MFF: variants seen among roughly 807,000 people sequenced by gnomAD.
MFF encodes the protein mitochondrial fission factor.
Under a neutral mutation model 36.9 loss-of-function variants are expected in MFF, and 12 were observed. That is an observed-to-expected ratio of 0.33 (90% confidence interval 0.21 to 0.53). MFF has a LOEUF of 0.53. Among genes scored for constraint, MFF ranks in the 20% least tolerant of loss-of-function variants. The probability of loss-of-function intolerance (pLI) is 0.95; values close to 1 mark genes in which losing one functional copy is unlikely to be tolerated. For missense variants in MFF, 348 were observed against 366.6 expected (o/e 0.95, Z 0.42); for synonymous variants, 99 against 126.2 (o/e 0.78, Z 1.44).
intron 5 of MFF, among the ~76,000 whole-genome samples, chr2:227,341,647 A>G (rs1039937992): frequency 4.6e-5 from 7 of 152,116 alleles, no homozygotes; most frequent in South Asian, 2.1e-4. Context: ...TTCCAAATGT[A>G]TTACACAAAC....
intron 5 of MFF, among the ~76,000 whole-genome samples, chr2:227,342,419 A>G (rs2075446231): frequency 1.3e-5 from 2 of 152,192 alleles, no homozygotes; most frequent in Admixed American, 6.5e-5. Context: ...AACAATTGAT[A>G]TAATACCTCT....
Position 227,354,361 on chromosome 2 carries a change from G to A in MFF, c.660-1316G>A, listed in dbSNP as rs1211911746. ...TACTTTTTGTAGTGGGGACTTGCTG[G>A]GATAGGTATTAGAATAGATGATCCA... On this transcript the variant is annotated intron_variant, in intron 7 of 8. Coordinates refer to ENST00000304593, the MANE Select transcript of MFF (RefSeq NM_001277062.2). Among the ~76,000 whole-genome samples, 5 of 152,172 alleles carry A rather than the reference G, an allele frequency of 3.3e-5. No homozygotes were observed. The East Asian group carries it at 9.6e-4, about 29-fold the overall frequency.
At chr2:227,355,793 CA>C in intron 8 of MFF, 32 bp downstream of exon 8, 1 of 1,298,750 alleles carries the variant, frequency 7.7e-7, no homozygotes, top group Non-Finnish European at 1.1e-6. Flanking sequence ...ATATATTTCT[CA>C]GTTATATTCA....
At chr2:227,347,848 C>T (rs2075792459) in intron 6 of MFF, among the ~76,000 whole-genome samples, 2 of 152,204 alleles carry the variant, frequency 1.3e-5, no homozygotes, top group African/African-American at 2.4e-5. Context: ...CTCTCAGCTA[C>T]GGATTTCTAG....
chr2:227,346,643 T>A (rs1441789808), intron 5 of MFF: 1 of 152,280 alleles, frequency 6.6e-6, no homozygotes, highest in African/African-American at 2.4e-5. Flanking sequence ...ATATGCTTAC[T>A]ATAATTAAAC....
intron 6 of MFF, 21 bp downstream of exon 6, chr2:227,347,405 C>T (rs761940436): frequency 1.2e-6 from 2 of 1,611,774 alleles, no homozygotes; most frequent in South Asian, 1.1e-5. Context: ...ATCCGTGACT[C>T]TTGACAGCTT....
In MFF at chr2:227,357,439, A is replaced by G. The variant is rs1028961210; in HGVS notation, c.*322A>G. ...CATCAGTCCACCCAACTGATTCTGA[A>G]TGGGAGAGAGTCTGTAGAGAATTGA... On this transcript the variant is annotated 3_prime_UTR_variant, in exon 9 of 9. Transcript: ENST00000304593. 7 of 197,932 alleles carry G rather than the reference A, an allele frequency of 3.5e-5. No individual in the cohort carries two copies. The highest frequency in any genetic ancestry group is 1.6e-4 in the African/African-American group (7 of 44,256). 12.3% of individuals were successfully genotyped at this position (197,932 alleles called of 1,614,324 possible).
intron 4 of MFF, among the ~76,000 whole-genome samples, chr2:227,338,219 A>C (rs1195619877): frequency 1.3e-5 from 2 of 151,320 alleles, no homozygotes; most frequent in East Asian, 4.0e-4. Context: ...AATAACAAAA[A>C]TTATCTGGGC....
chr2:227,354,889 G>A (rs938928559), intron 7 of MFF, among the ~76,000 whole-genome samples: 1 of 152,180 alleles, frequency 6.6e-6, no homozygotes, highest in Non-Finnish European at 1.5e-5. Flanking sequence ...GGCCAGGCGT[G>A]GTTGCTCAGG....
chr2:227,327,826 CT>C (rs377503206), intron 1 of MFF, among the ~76,000 whole-genome samples: 2 of 152,144 alleles, frequency 1.3e-5, no homozygotes, highest in African/African-American at 4.8e-5. Flanking sequence ...AGGCTATAAT[CT>C]TTTTGAGGTA....
At chr2:227,348,894 C>A (rs4316935) in intron 6 of MFF, among the ~76,000 whole-genome samples, 210 of 152,120 alleles carry the variant, frequency 1.4e-3, no homozygotes, top group African/African-American at 4.9e-3. Flanking sequence ...ATCTTTCAAA[C>A]GATATTGCAT....
At chr2:227,331,775 G>T (rs1196845014) in intron 3 of MFF, among the ~76,000 whole-genome samples, 3 of 151,912 alleles carry the variant, frequency 2.0e-5, no homozygotes, top group African/African-American at 7.3e-5. Context: ...TGTGCTTTTT[G>T]TCCATTTATA....
At position 227,332,496 on chromosome 2, in the gene MFF, C is replaced by G; in HGVS notation, c.259C>G (p.Leu87Val). 1 of 1,613,664 alleles carries G rather than the reference C, an allele frequency of 6.2e-7. No individual in the cohort carries two copies. Among genetic ancestry groups the G allele is most frequent in the Non-Finnish European group, 8.5e-7 (1 of 1,179,634 alleles). ...IQSTPFKPLA[L>V]KTPPRVLTLS... is the part of the protein sequence containing the mutation. Reference sequence around the variant, plus strand: ...GTCAACTCCCTTTAAACCCCTGGCACTGAAAACACCACCTCGTGTACTTAC... The same window carrying G: ...GTCAACTCCCTTTAAACCCCTGGCAGTGAAAACACCACCTCGTGTACTTAC... The change falls in exon 4 of 9, where the codon CTG (leucine) becomes GTG (valine). Residue 87 changes from leucine to valine, a missense_variant. By Grantham distance (32) the Leu-to-Val change is conservative. Coordinates refer to ENST00000304593, the MANE Select transcript of MFF (RefSeq NM_001277062.2).
intron 7 of MFF, among the ~76,000 whole-genome samples, chr2:227,354,447 C>T (rs931066280): frequency 2.0e-5 from 3 of 152,064 alleles, no homozygotes; most frequent in African/African-American, 7.2e-5. Context: ...ATATTCTGCT[C>T]ATTTAGAAAA....
At position 227,355,686 on chromosome 2, in the gene MFF, T is replaced by C; in HGVS notation, c.669T>C (p.Ile223=). The C allele has an allele frequency of 6.2e-7, 1 of 1,605,980 alleles. No individual in the cohort carries two copies. Among genetic ancestry groups the C allele is most frequent in the Non-Finnish European group, 8.5e-7 (1 of 1,172,886 alleles). Residue 223 remains isoleucine (I), a synonymous_variant, in exon 8 of 9, where the codon ATT becomes ATC. Coordinates refer to ENST00000304593, the MANE Select transcript of MFF (RefSeq NM_001277062.2). ...TATCTCTTATCTGCAGGTATGGCAT[T>C]TCAAATATAGATACAACCATTGAAG... The part of the protein sequence containing the change: ...NPHHDNVRYG[I]SNIDTTIEGT...
At chr2:227,338,569 C>T (rs1001552798) in intron 4 of MFF, among the ~76,000 whole-genome samples, 1 of 152,010 alleles carries the variant, frequency 6.6e-6, no homozygotes, top group Non-Finnish European at 1.5e-5. Context: ...CAGTGGCTCA[C>T]GCCTGTAATC....
intron 7 of MFF, 128 bp from the exon 8 acceptor site, chr2:227,355,549 G>A (rs1467734616): frequency 6.2e-6 from 3 of 480,584 alleles, no homozygotes; most frequent in Non-Finnish European, 1.1e-5. Flanking sequence ...AAATATTTTA[G>A]TAATTCATAT....
chr2:227,327,177 GA>G (rs557318743), intron 1 of MFF, among the ~76,000 whole-genome samples: 8 of 148,360 alleles, frequency 5.4e-5, no homozygotes, highest in South Asian at 4.3e-4. Flanking sequence ...GTGAATATGG[GA>G]AAAAAAAAAC....
intron 5 of MFF, chr2:227,342,599 T>A: frequency 1.7e-6 from 1 of 604,850 alleles, no homozygotes; most frequent in Admixed American, 3.2e-5. Flanking sequence ...AGCACTAGCC[T>A]TTGTTTTCTT....
Sources: gnomAD v4.1 joint callset for allele counts (sites outside exome capture counted in the v4.1 genomes callset) on GRCh38, gnomAD v4.1.1 for gene constraint, MANE v1.5 for transcripts, NCBI Gene and HGNC (gene_info 2026-07-23, HGNC 2026-07-21) for gene names.